The following CMTM3 variants were observed in gnomAD, a reference collection of about 807,000 sequenced individuals.
CMTM3 encodes the protein CKLF like MARVEL transmembrane domain containing 3, also known as CKLF-like MARVEL transmembrane domain-containing protein 3.
In CMTM3, 7 loss-of-function variants were observed where a neutral mutation model predicts 18.2. That is an observed-to-expected ratio of 0.38 (90% CI 0.22 to 0.72). CMTM3 has a LOEUF of 0.72. Among genes scored for constraint, CMTM3 ranks in the 30% least tolerant of loss-of-function variants. The probability of loss-of-function intolerance (pLI) is 0.46; values close to 1 mark genes in which losing one functional copy is unlikely to be tolerated. For missense variants in CMTM3, 227 were observed against 249.2 expected (o/e 0.91, Z 0.60); for synonymous variants, 109 against 111.2 (o/e 0.98, Z 0.12).
At position 66,609,250 on chromosome 16, in the gene CMTM3, G is replaced by A; in HGVS notation, c.304-185G>A. On this transcript the variant is annotated intron_variant, in intron 2 of 4. Transcript: ENST00000567572. The surrounding 1 kb of genome is among the most constrained non-coding windows in gnomAD (Gnocchi z 4.4). ...GACCCGGGATAGGGCAGTGTCAGCT[G>A]CTGGCAAGGCAGCAGAGGCACCTCG... 1 of 602,132 alleles carries A rather than the reference G, an allele frequency of 1.7e-6. No individual in the cohort carries two copies. Among genetic ancestry groups the A allele is most frequent in the Non-Finnish European group, 2.9e-6 (1 of 339,068 alleles). The allele number at this position is 602,132 out of a possible 1,614,324, so 37.3% of individuals were successfully genotyped here.
At chr16:66,606,314 T>TC (rs2015152000) in intron 1 of CMTM3, among the ~76,000 whole-genome samples, 1 of 151,518 alleles carries the variant, frequency 6.6e-6, no homozygotes, top group South Asian at 2.1e-4. Context: ...GAGAGGGGAA[T>TC]CCCCAGAATT....
In CMTM3 at chr16:66,610,119, A is replaced by T; in HGVS notation, c.520+116A>T. The T allele has an allele frequency of 7.2e-7, 1 of 1,383,224 alleles. No homozygotes were observed. The highest frequency in any genetic ancestry group is 1.0e-6 in the Non-Finnish European group (1 of 1,003,146). The allele number at this position is 1,383,224 out of a possible 1,614,324, so 85.7% of individuals were successfully genotyped here. ...CATTTCCTCTCTCCCCATGGCAGGA[A>T]GTGTTTTCACAGCCCATTCTCACCT... On this transcript the variant is annotated intron_variant, in intron 4 of 4. Coordinates refer to ENST00000567572, the MANE Select transcript of CMTM3 (RefSeq NM_181553.4). This position sits in a 1 kb window ranked among gnomAD's most constrained non-coding sequence, Gnocchi z 4.6.
In CMTM3 at chr16:66,608,446, C is replaced by T; in HGVS notation, c.285C>T (p.Gly95=). Residue 95 remains glycine, a synonymous_variant, in exon 2 of 5, where the codon GGC becomes GGT. Transcript: ENST00000567572. This position sits in a 1 kb window ranked among gnomAD's most constrained non-coding sequence, Gnocchi z 5.1. ...TGCAGCTGAATGACAAGTGGCAGGG[C>T]TTGTGCTGGCCCATGATGGTGAGGA... The part of the protein sequence containing the change: ...DAMQLNDKWQ[G]LCWPMMDFLR... 1 of 1,614,030 alleles carries T rather than the reference C, an allele frequency of 6.2e-7. No individual in the cohort carries two copies. The highest frequency in any genetic ancestry group is 8.5e-7 in the Non-Finnish European group (1 of 1,180,036).
chr16:66,613,010 T>C lies in CMTM3; in HGVS notation c.*373T>C. On this transcript the variant is annotated 3_prime_UTR_variant, in exon 5 of 5. Coordinates refer to ENST00000567572, the MANE Select transcript of CMTM3 (RefSeq NM_181553.4). ...TAGGTGGCGGGGGTCGGGGGTCTTC[T>C]GTTTCACTAACAGGAACAAAGACAG... 1 of 702,092 alleles carries C rather than the reference T, an allele frequency of 1.4e-6. No individual in the cohort carries two copies. The highest frequency in any genetic ancestry group is 1.5e-5 in the South Asian group (1 of 67,592). 43.5% of individuals were successfully genotyped at this position (702,092 alleles called of 1,614,324 possible).
At position 66,610,903 on chromosome 16, in the gene CMTM3, A is replaced by C. The variant is rs1393637613; in HGVS notation, c.520+900A>C. 2.5e-6 allele frequency: 1 copy of C among 398,486 alleles called. No homozygotes were observed. The highest frequency in any genetic ancestry group is 3.6e-5 in the East Asian group (1 of 28,068). The allele number at this position is 398,486 out of a possible 1,614,324, so 24.7% of individuals were successfully genotyped here. A position where few individuals can be genotyped will look rare whatever the true frequency, so the allele number is the denominator to read the frequency against. On this transcript the variant is annotated intron_variant, in intron 4 of 4. Coordinates refer to ENST00000567572, the MANE Select transcript of CMTM3 (RefSeq NM_181553.4). The surrounding 1 kb of genome is among the most constrained non-coding windows in gnomAD (Gnocchi z 4.6). ...AATCCCAGAAACCGTCCTTCTGCTG[A>C]AAATGAATGCCACTCATCCCATCCC...
Position 66,612,158 on chromosome 16 carries a change from T to C in CMTM3, c.521-451T>C, listed in dbSNP as rs1156654469. On this transcript the variant is annotated intron_variant, in intron 4 of 4. Transcript: ENST00000567572. The surrounding 1 kb of genome is among the most constrained non-coding windows in gnomAD (Gnocchi z 6.0). ...GGCCGGGCACGGTGGCTCACGCCTG[T>C]TACCCCAGCACTTTGGGAGGCTGAG... 6.6e-6 allele frequency among the ~76,000 whole-genome samples: 1 copy of C among 152,178 alleles called. No homozygotes were observed. The highest frequency in any genetic ancestry group is 2.4e-5 in the African/African-American group (1 of 41,442).
Position 66,613,694 on chromosome 16 carries a change from C to G in CMTM3, c.*1057C>G, listed in dbSNP as rs2015468809. The G allele has an allele frequency of 6.6e-6, 1 of 152,528 alleles. No individual in the cohort carries two copies. The highest frequency in any genetic ancestry group is 1.5e-5 in the Non-Finnish European group (1 of 68,364). The allele number at this position is 152,528 out of a possible 1,614,324, so 9.4% of individuals were successfully genotyped here. A position where few individuals can be genotyped will look rare whatever the true frequency, so the allele number is the denominator to read the frequency against. The stretch of plus-strand genomic sequence containing the variant: ...GAGCATTTGTAGCCTTATTCTCTTG[C>G]GTGTGAATCTCTTACCCTGAAAAAA... On this transcript the variant is annotated 3_prime_UTR_variant, in exon 5 of 5. Coordinates refer to ENST00000567572, the MANE Select transcript of CMTM3 (RefSeq NM_181553.4).
chr16:66,611,869 G>A (rs1182320900), intron 4 of CMTM3, among the ~76,000 whole-genome samples: 1 of 152,036 alleles, frequency 6.6e-6, no homozygotes, highest in Non-Finnish European at 1.5e-5. Flanking sequence ...GATATAAAAT[G>A]GCTAAAAAGA....
Position 66,609,456 on chromosome 16 carries a change from G to A in CMTM3, c.325G>A (p.Ala109Thr), listed in dbSNP as rs760346957. The change falls in exon 3 of 5, where the codon GCG becomes ACG. Residue 109 changes from alanine (A) to threonine (T), a missense_variant. Physicochemically the swap from Ala to Thr is moderately conservative, Grantham distance 58 (BLOSUM62 0). Coordinates refer to ENST00000567572, the MANE Select transcript of CMTM3 (RefSeq NM_181553.4). This position sits in a 1 kb window ranked among gnomAD's most constrained non-coding sequence, Gnocchi z 4.4. ...PMMDFLRCVT[A>T]ALIYFAISIT... is the part of the protein sequence containing the mutation. The stretch of plus-strand genomic sequence containing the variant: ...CCAGGACTTCCTGCGCTGTGTCACC[G>A]CGGCCCTCATCTACTTTGCTATCTC... 18 of 1,612,810 alleles carry A rather than the reference G, an allele frequency of 1.1e-5. No individual in the cohort carries two copies. The highest frequency in any genetic ancestry group is 8.9e-5 in the East Asian group (4 of 44,880).
At position 66,609,582 on chromosome 16, in the gene CMTM3, C is replaced by T; in HGVS notation, c.399+52C>T. The T allele has an allele frequency of 6.5e-7, 1 of 1,539,284 alleles. No individual in the cohort carries two copies. The highest frequency in any genetic ancestry group is 1.2e-5 in the South Asian group (1 of 84,512). On this transcript the variant is annotated intron_variant, in intron 3 of 4. Coordinates refer to ENST00000567572, the MANE Select transcript of CMTM3 (RefSeq NM_181553.4). This position sits in a 1 kb window ranked among gnomAD's most constrained non-coding sequence, Gnocchi z 4.4. ...AACTGCAGATGCCCCTCTAGCCCCT[C>T]ATTTAGGGTGGGACCTGGGGCAGAG...
chr16:66,612,840 C>T lies in CMTM3; in HGVS notation c.*203C>T, dbSNP rs2015434250. On this transcript the variant is annotated 3_prime_UTR_variant, in exon 5 of 5. Coordinates refer to ENST00000567572, the MANE Select transcript of CMTM3 (RefSeq NM_181553.4). This position sits in a 1 kb window ranked among gnomAD's most constrained non-coding sequence, Gnocchi z 6.0. ...CAGCTCAGCACTGTTGACCACGCTGCGTATGAGGGCATCTTGGGTATCCCA... is the reference window on the plus strand; with the variant it reads ...CAGCTCAGCACTGTTGACCACGCTGTGTATGAGGGCATCTTGGGTATCCCA... The T allele has an allele frequency of 8.2e-6, 5 of 613,142 alleles. No homozygotes were observed. The highest frequency in any genetic ancestry group is 5.8e-5 in the South Asian group (3 of 51,774). The allele number at this position is 613,142 out of a possible 1,614,324, so 38.0% of individuals were successfully genotyped here.
chr16:66,608,593 T>C lies in CMTM3; in HGVS notation c.303+129T>C, dbSNP rs1344864940. On this transcript the variant is annotated intron_variant, in intron 2 of 4. Transcript: ENST00000567572. This position sits in a 1 kb window ranked among gnomAD's most constrained non-coding sequence, Gnocchi z 5.1. Reference sequence around the variant, plus strand: ...GAGTTTGCAGTTGGTTAGAACTGGATGGAGAGACCCAGCTTCAGATCATCC... The same window carrying C: ...GAGTTTGCAGTTGGTTAGAACTGGACGGAGAGACCCAGCTTCAGATCATCC... 7 of 860,460 alleles carry C rather than the reference T, an allele frequency of 8.1e-6. No homozygotes were observed. Among genetic ancestry groups the C allele is most frequent in the Middle Eastern group, 3.6e-4 (1 of 2,810 alleles). 53.3% of individuals were successfully genotyped at this position (860,460 alleles called of 1,614,324 possible).
intron 1 of CMTM3, among the ~76,000 whole-genome samples, chr16:66,606,854 T>G (rs1401148112): frequency 6.6e-6 from 1 of 151,998 alleles, no homozygotes; most frequent in African/African-American, 2.4e-5. Context: ...TTAGCTGGGT[T>G]TGGTGGCGGG....
rs767734260 is a variant in CMTM3, at chr16:66,609,792, A to G, written c.400-91A>G. 4.3e-6 allele frequency: 7 copies of G among 1,613,064 alleles called. No homozygotes were observed. The highest frequency in any genetic ancestry group is 2.2e-5 in the South Asian group (2 of 91,038). ...GCCTGACACTCGGGCTGTTTGTCCA[A>G]GCAGATCTGAAATGGGCCGTGAGGC... On this transcript the variant is annotated intron_variant, in intron 3 of 4. Transcript: ENST00000567572. This position sits in a 1 kb window ranked among gnomAD's most constrained non-coding sequence, Gnocchi z 4.4.
At position 66,608,543 on chromosome 16, in the gene CMTM3, C is replaced by T; in HGVS notation, c.303+79C>T. Reference sequence around the variant, plus strand: ...AGGAGTCCAGAGTCGTGCACTTGGGCCCTTATCCTTTCTCTAGTGTGCTGG... The same window carrying T: ...AGGAGTCCAGAGTCGTGCACTTGGGTCCTTATCCTTTCTCTAGTGTGCTGG... On this transcript the variant is annotated intron_variant, in intron 2 of 4. Transcript: ENST00000567572. The surrounding 1 kb of genome is among the most constrained non-coding windows in gnomAD (Gnocchi z 5.1). 6 of 1,439,956 alleles carry T rather than the reference C, an allele frequency of 4.2e-6. No individual in the cohort carries two copies. The highest frequency in any genetic ancestry group is 4.8e-6 in the Non-Finnish European group (5 of 1,046,860). 89.2% of individuals were successfully genotyped at this position (1,439,956 alleles called of 1,614,324 possible).
At position 66,610,271 on chromosome 16, in the gene CMTM3, G is replaced by A. The variant is rs975293392; in HGVS notation, c.520+268G>A. On this transcript the variant is annotated intron_variant, in intron 4 of 4. Transcript: ENST00000567572. This position sits in a 1 kb window ranked among gnomAD's most constrained non-coding sequence, Gnocchi z 4.6. The stretch of plus-strand genomic sequence containing the variant: ...GCCAGGCCGGCAAGTCTCCCTGGAC[G>A]ACCCCCCTGGGCAGCCAGTCACTCT... 1.1e-4 allele frequency among the ~76,000 whole-genome samples: 16 copies of A among 152,028 alleles called. No individual in the cohort carries two copies. The highest frequency in any genetic ancestry group is 5.2e-4 in the Admixed American group (8 of 15,276).
At chr16:66,607,397 G>A (rs992332028) in intron 1 of CMTM3, among the ~76,000 whole-genome samples, 1 of 152,198 alleles carries the variant, frequency 6.6e-6, no homozygotes, top group African/African-American at 2.4e-5. Flanking sequence ...CAGTGCCAAC[G>A]CACCCTCTGT....
chr16:66,612,133 G>A lies in CMTM3; in HGVS notation c.521-476G>A, dbSNP rs987831819. Among the ~76,000 whole-genome samples the A allele has an allele frequency of 2.6e-5, 4 of 152,114 alleles. No homozygotes were observed. Among genetic ancestry groups the A allele is most frequent in the East Asian group, 3.9e-4 (2 of 5,170 alleles). On this transcript the variant is annotated intron_variant, in intron 4 of 4. Coordinates refer to ENST00000567572, the MANE Select transcript of CMTM3 (RefSeq NM_181553.4). The surrounding 1 kb of genome is among the most constrained non-coding windows in gnomAD (Gnocchi z 6.0). ...CCCTGGAGGTGCAAGTGGCTTCTGC[G>A]GCCGGGCACGGTGGCTCACGCCTGT... is the stretch of plus-strand genomic sequence containing the variant.
chr16:66,611,095 T>G (rs549525167), intron 4 of CMTM3: 192 of 390,554 alleles, frequency 4.9e-4, no homozygotes, highest in African/African-American at 3.7e-3. Flanking sequence ...GTTTTACTAT[T>G]TGGAGAGTTT....
Sources: gnomAD v4.1 joint callset for allele counts (sites outside exome capture counted in the v4.1 genomes callset) on GRCh38, gnomAD v4.1.1 for gene constraint, Gnocchi (gnomAD v3.1) non-coding constraint, MANE v1.5 for transcripts, NCBI Gene and HGNC (gene_info 2026-07-23, HGNC 2026-07-21) for gene names.